The following MROH1 variants were observed in gnomAD, a reference collection of about 807,000 sequenced individuals.
The protein encoded by MROH1 is maestro heat like repeat family member 1.
MROH1 carries 117 observed loss-of-function variants against 116.5 expected under a neutral mutation model. The observed-to-expected ratio is 1.00, with a 90% CI of 0.86 to 1.17. The LOEUF (loss-of-function observed/expected upper bound fraction) is 1.17. Among genes scored for constraint, MROH1 ranks in the 50% most tolerant of loss-of-function variants. The pLI, the probability that MROH1 is intolerant of heterozygous loss-of-function variation, is 0.00. For synonymous variants in MROH1, 921 were observed against 583.9 expected, an observed-to-expected ratio of 1.58 and a Z score of -8.32; for missense variants, 1,873 against 1,338.5, an observed-to-expected ratio of 1.40 and a Z score of -6.23.
intron 33 of MROH1, among the ~76,000 whole-genome samples, chr8:144,253,965 C>T (rs1214815417): frequency 1.3e-5 from 2 of 152,000 alleles, no homozygotes; most frequent in African/African-American, 2.4e-5. Flanking sequence ...TTCTGCCAGG[C>T]GGCTTCAGGG....
intron 7 of MROH1, among the ~76,000 whole-genome samples, chr8:144,189,478 G>C: frequency 6.6e-6 from 1 of 152,152 alleles, no homozygotes; most frequent in East Asian, 1.9e-4. Context: ...TGGGCTCCAG[G>C]CCCTACAGCC....
intron 4 of MROH1, among the ~76,000 whole-genome samples, chr8:144,174,028 C>T (rs369418403): frequency 6.6e-6 from 1 of 152,254 alleles, no homozygotes; most frequent in African/African-American, 2.4e-5. Context: ...AGTTAGGCCA[C>T]CTCCCCTCTG....
rs1229752503 is a variant in MROH1, at chr8:144,260,923, T to C, written c.4553T>C (p.Leu1518Pro). 1 of 777,576 alleles carries C rather than the reference T, an allele frequency of 1.3e-6. No individual in the cohort carries two copies. The highest frequency in any genetic ancestry group is 2.4e-6 in the Non-Finnish European group (1 of 417,750). The allele number at this position is 777,576 out of a possible 1,614,324, so 48.2% of individuals were successfully genotyped here. Residue 1518 changes from leucine (L) to proline (P), a missense_variant, in exon 41 of 44, where the codon CTG (leucine) becomes CCG (proline). Physicochemically the swap from Leu to Pro is moderately conservative, Grantham distance 98. Transcript: ENST00000326134. The part of the protein sequence containing the change: ...ATVASACRFA[L>P]RMCGPNLACE... ...ATCCCTTAGGCCTGCAGGTTTGCCC[T>C]GCGCATGTGTGGCCCCAATCTGGCA... is the stretch of plus-strand genomic sequence containing the variant.
intron 20 of MROH1, 54 bp from the exon 21 acceptor site, chr8:144,240,938 G>GGT (rs1840873820): frequency 1.4e-6 from 1 of 717,166 alleles, no homozygotes; most frequent in East Asian, 2.7e-5. Context: ...GGCAGCGCTG[G>GGT]GTCTCCCTGT....
At chr8:144,238,929 C>T in intron 15 of MROH1, 66 bp downstream of exon 15, 2 of 768,466 alleles carry the variant, frequency 2.6e-6, no homozygotes, top group South Asian at 2.7e-5. Flanking sequence ...GCCCAGGGTG[C>T]TCAGGCCCAG....
intron 14 of MROH1, among the ~76,000 whole-genome samples, chr8:144,233,290 CAG>C (rs1381931502): frequency 6.6e-6 from 1 of 151,914 alleles, no homozygotes; most frequent in East Asian, 1.9e-4. Context: ...TGTTCCCAAA[CAG>C]AAACTCTGTC....
At chr8:144,238,491 C>T (rs1840421624) in intron 14 of MROH1, among the ~76,000 whole-genome samples, 1 of 152,326 alleles carries the variant, frequency 6.6e-6, no homozygotes, top group South Asian at 2.1e-4. Context: ...GGCATTGCAA[C>T]CTCACGAGCA....
intron 4 of MROH1, chr8:144,174,873 T>A (rs1823430202): frequency 5.1e-6 from 5 of 985,248 alleles, no homozygotes; most frequent in African/African-American, 1.7e-5. Context: ...ACTTGCTGAG[T>A]CAGCCTGTCA....
intron 33 of MROH1, chr8:144,251,986 G>A (rs2133194293): frequency 4.5e-6 from 1 of 223,556 alleles, no homozygotes; most frequent in South Asian, 4.5e-5. Context: ...TCCTCTGCCG[G>A]GCAGTGCCGG....
At chr8:144,206,395 C>T (rs1480004348) in intron 12 of MROH1, among the ~76,000 whole-genome samples, 20 of 151,016 alleles carry the variant, frequency 1.3e-4, no homozygotes, top group Admixed American at 1.3e-3. Flanking sequence ...ATTTGTTTTC[C>T]TGTTAACAGA....
In MROH1 at chr8:144,162,628, C is replaced by T. The variant is rs185502665; in HGVS notation, c.-56-1143C>T. ...GCCAGGCTGGTCTCAAACTCCTGGC[C>T]TCAAGTGGTCCACCTGCCTCAGCCT... is the stretch of plus-strand genomic sequence containing the variant. On this transcript the variant is annotated intron_variant, in intron 2 of 43. Coordinates refer to ENST00000326134, the MANE Select transcript of MROH1 (RefSeq NM_032450.3). Among the ~76,000 whole-genome samples, 385 of 151,722 alleles carry T rather than the reference C, an allele frequency of 2.5e-3. 2 individuals are homozygous for T. Among genetic ancestry groups the T allele is most frequent in the African/African-American group, 9.1e-3 (374 of 41,314 alleles).
At chr8:144,153,584 C>G (rs1321994933) in intron 1 of MROH1, among the ~76,000 whole-genome samples, 1 of 152,034 alleles carries the variant, frequency 6.6e-6, no homozygotes, top group African/African-American at 2.4e-5. Flanking sequence ...TAAATATATG[C>G]CACATTTTCT....
chr8:144,197,417 C>CTTTTTTT lies in MROH1; in HGVS notation c.949-1675_949-1669dup, dbSNP rs79749774. Among the ~76,000 whole-genome samples the CTTTTTTT allele has an allele frequency of 1.5e-3, 63 of 42,500 alleles. 20 individuals are homozygous for CTTTTTTT. The highest frequency in any genetic ancestry group is 2.8e-3 in the Admixed American group (7 of 2,542). The allele number at this position is 42,500 out of a possible 152,430, so 27.9% of individuals were successfully genotyped here. ...AAGAGTGGGCAGGAAGCTGCAGCAT[C>CTTTTTTT]TTTTTTTTTTTTTTTTTTTTTTTTT... On this transcript the variant is annotated intron_variant, in intron 10 of 43. Transcript: ENST00000326134.
intron 7 of MROH1, among the ~76,000 whole-genome samples, chr8:144,185,131 G>A (rs1826633792): frequency 6.6e-6 from 1 of 152,182 alleles, no homozygotes; most frequent in Non-Finnish European, 1.5e-5. Flanking sequence ...TGCAGTCCCA[G>A]GATTTCTGTG....
intron 12 of MROH1, among the ~76,000 whole-genome samples, chr8:144,207,265 G>A (rs1327672025): frequency 4.6e-5 from 7 of 151,118 alleles, no homozygotes; most frequent in Non-Finnish European, 1.0e-4. Flanking sequence ...TTGGCTCACT[G>A]CAACCTCCGC....
rs1232421299 is a variant in MROH1, at chr8:144,238,762, A to C, written c.1345A>C (p.Lys449Gln). 4 of 772,292 alleles carry C rather than the reference A, an allele frequency of 5.2e-6. No homozygotes were observed. Among genetic ancestry groups the C allele is most frequent in the Non-Finnish European group, 9.6e-6 (4 of 417,676 alleles). 47.8% of individuals were successfully genotyped at this position (772,292 alleles called of 1,614,324 possible). Residue 449 changes from lysine to glutamine, a missense_variant, in exon 15 of 44, where the codon AAG becomes CAG. Physicochemically the swap from Lys to Gln is moderately conservative, Grantham distance 53. Coordinates refer to ENST00000326134, the MANE Select transcript of MROH1 (RefSeq NM_032450.3). ...CALPPEQEPE[K>Q]PGPGSKDPKA... Reference sequence around the variant, plus strand: ...GCCTTTTGCCTTCCTCCAGCCTGAGAAGCCAGGCCCCGGCAGCAAGGACCC... The same window carrying C: ...GCCTTTTGCCTTCCTCCAGCCTGAGCAGCCAGGCCCCGGCAGCAAGGACCC...
chr8:144,161,454 G>A (rs187184905), intron 2 of MROH1, among the ~76,000 whole-genome samples: 1 of 152,208 alleles, frequency 6.6e-6, no homozygotes, highest in African/African-American at 2.4e-5. Context: ...CCTTGGTATC[G>A]GCCGGCACTC....
rs1845137581 is a variant in MROH1, at chr8:144,261,814, G to A, written c.*74G>A. On this transcript the variant is annotated 3_prime_UTR_variant, in exon 44 of 44. Coordinates refer to ENST00000326134, the MANE Select transcript of MROH1 (RefSeq NM_032450.3). ...TGAGCTCCAAGACAGGGCCTCCTGA[G>A]GACCACAGCCTGGGCACACGACTGG... 1.4e-6 allele frequency: 1 copy of A among 700,878 alleles called. No homozygotes were observed. Among genetic ancestry groups the A allele is most frequent in the South Asian group, 1.5e-5 (1 of 67,442 alleles). 43.4% of individuals were successfully genotyped at this position (700,878 alleles called of 1,614,324 possible). A position where few individuals can be genotyped will look rare whatever the true frequency, so the allele number is the denominator to read the frequency against.
chr8:144,216,450 G>T (rs1411240806), intron 12 of MROH1, among the ~76,000 whole-genome samples: 1 of 152,064 alleles, frequency 6.6e-6, no homozygotes, highest in Non-Finnish European at 1.5e-5. Context: ...TTCCATCCTG[G>T]GCAACAGAGC....
Sources: gnomAD v4.1 joint callset for allele counts (sites outside exome capture counted in the v4.1 genomes callset) on GRCh38, gnomAD v4.1.1 for gene constraint, MANE v1.5 for transcripts, NCBI Gene and HGNC (gene_info 2026-07-23, HGNC 2026-07-21) for gene names.